CLMP: variants seen among roughly 807,000 people sequenced by gnomAD.
CLMP encodes the protein CXADR-like membrane protein.
A neutral mutation model predicts 45.2 loss-of-function variants in CLMP; 27 were observed. The ratio of observed to expected loss-of-function variants is 0.60; its 90% CI spans 0.44 to 0.82. CLMP has a LOEUF of 0.82. Among genes scored for constraint, CLMP ranks in the 40% least tolerant of loss-of-function variants. The pLI is 0.00. For missense variants in CLMP, 403 were observed against 448.4 expected (o/e 0.90, Z 0.91); for synonymous variants, 167 against 171.4 (o/e 0.97, Z 0.20).
chr11:123,116,822 A>C (rs1009271279), intron 1 of CLMP, among the ~76,000 whole-genome samples: 4 of 152,134 alleles, frequency 2.6e-5, no homozygotes, highest in African/African-American at 9.7e-5. Flanking sequence ...ATTCTTTTTC[A>C]TACATATTTT....
chr11:123,150,418 A>AGAAG (rs1565397273), intron 1 of CLMP, among the ~76,000 whole-genome samples: 74 of 20,854 alleles, frequency 3.5e-3, no homozygotes, highest in Non-Finnish European at 4.8e-3. Flanking sequence ...AAGGAAGGTA[A>AGAAG]GAAAGAAAGA....
intron 2 of CLMP, among the ~76,000 whole-genome samples, chr11:123,093,459 G>C (rs1865955990): frequency 6.6e-6 from 1 of 152,004 alleles, no homozygotes; most frequent in South Asian, 2.1e-4. Context: ...CAATTCTCCT[G>C]CCTCAGTCTC....
chr11:123,177,059 G>A (rs1861709166), intron 1 of CLMP, among the ~76,000 whole-genome samples: 1 of 152,150 alleles, frequency 6.6e-6, no homozygotes, highest in Non-Finnish European at 1.5e-5. Context: ...TAGCAGGTGC[G>A]GGTGATTGTT....
At chr11:123,147,647 A>G (rs1025690695) in intron 1 of CLMP, among the ~76,000 whole-genome samples, 1 of 152,070 alleles carries the variant, frequency 6.6e-6, no homozygotes, top group Non-Finnish European at 1.5e-5. Context: ...GTGTATTGTG[A>G]TGCCTCTCCC....
At chr11:123,189,210 G>A (rs1861873828) in intron 1 of CLMP, among the ~76,000 whole-genome samples, 1 of 152,160 alleles carries the variant, frequency 6.6e-6, no homozygotes, top group African/African-American at 2.4e-5. Flanking sequence ...TCCACTTTGG[G>A]GTTTAAAGAT....
intron 1 of CLMP, among the ~76,000 whole-genome samples, chr11:123,160,752 C>T (rs918468874): frequency 7.9e-5 from 12 of 151,910 alleles, no homozygotes; most frequent in Middle Eastern, 3.4e-3. Flanking sequence ...CTGAGGTGGG[C>T]GGATCACCTG....
intron 2 of CLMP, among the ~76,000 whole-genome samples, chr11:123,097,484 T>C (rs1015365920): frequency 6.6e-6 from 1 of 152,088 alleles, no homozygotes; most frequent in African/African-American, 2.4e-5. Flanking sequence ...TTTACAGGCA[T>C]AGGCCACCAC....
chr11:123,195,102 C>T lies in CLMP; in HGVS notation c.-162G>A. The T allele has an allele frequency of 2.2e-6, 1 of 446,432 alleles. No individual in the cohort carries two copies. The highest frequency in any genetic ancestry group is 3.5e-6 in the Non-Finnish European group (1 of 286,074). The allele number at this position is 446,432 out of a possible 1,614,324, so 27.7% of individuals were successfully genotyped here. On this transcript the variant is annotated 5_prime_UTR_variant, in exon 1 of 7. Transcript: ENST00000448775. ...GCGGGAGCCGGCCCCGCGCCCCGTG[C>T]CCCTGGGGGCAGATGGGCTCCCGGC...
chr11:123,090,093 GAA>G (rs57683487), intron 2 of CLMP, among the ~76,000 whole-genome samples: 1 of 139,008 alleles, frequency 7.2e-6, no homozygotes, highest in African/African-American at 2.6e-5. Flanking sequence ...CTGTCTCAAA[GAA>G]AAAAAAAAAA....
rs1302109135 is a variant in CLMP at position 123,195,085 on chromosome 11, C to T, written c.-145G>A. ...CTGCAGCCATGTGCCGGGCGGGAGC[C>T]GGCCCCGCGCCCCGTGCCCCTGGGG... On this transcript the variant is annotated 5_prime_UTR_variant, in exon 1 of 7. Transcript: ENST00000448775. 8 of 583,358 alleles carry T rather than the reference C, an allele frequency of 1.4e-5. No individual in the cohort carries two copies. The highest frequency in any genetic ancestry group is 9.1e-5 in the East Asian group (2 of 22,070). 36.1% of individuals were successfully genotyped at this position (583,358 alleles called of 1,614,324 possible). A position where few individuals can be genotyped will look rare whatever the true frequency, so the allele number is the denominator to read the frequency against.
At chr11:123,155,728 A>T (rs557907283) in intron 1 of CLMP, among the ~76,000 whole-genome samples, 1 of 152,196 alleles carries the variant, frequency 6.6e-6, no homozygotes, top group Admixed American at 6.5e-5. Flanking sequence ...ATGTCCTTGT[A>T]TAGTCCCTAT....
chr11:123,130,467 G>A (rs760986721), intron 1 of CLMP, among the ~76,000 whole-genome samples: 1 of 152,136 alleles, frequency 6.6e-6, no homozygotes, highest in Non-Finnish European at 1.5e-5. Flanking sequence ...TAAGAAAAAT[G>A]GTATGGTCTG....
intron 1 of CLMP, among the ~76,000 whole-genome samples, chr11:123,141,985 CTTTTT>C (rs10714246): frequency 1.7e-5 from 2 of 117,554 alleles, no homozygotes; most frequent in South Asian, 2.8e-4. Context: ...TCCCCCCAGC[CTTTTT>C]TTTTTTTTTT....
In CLMP at chr11:123,099,840, T is replaced by C. The variant is rs146878410; in HGVS notation, c.29-1888A>G. Reference sequence around the variant, plus strand: ...TGCCGCAGTGAGCACAGTGACATGATCTCTTGCTTAAGGAAGAGATAATTT... The same window carrying C: ...TGCCGCAGTGAGCACAGTGACATGACCTCTTGCTTAAGGAAGAGATAATTT... On this transcript the variant is annotated intron_variant, in intron 1 of 6. Coordinates refer to ENST00000448775, the MANE Select transcript of CLMP (RefSeq NM_024769.5). 3.9e-5 allele frequency among the ~76,000 whole-genome samples: 6 copies of C among 152,250 alleles called. No homozygotes were observed. In the East Asian group the frequency reaches 1.2e-3, roughly 29 times the overall value.
chr11:123,143,465 TA>T (rs1861193734), intron 1 of CLMP, among the ~76,000 whole-genome samples: 1 of 149,414 alleles, frequency 6.7e-6, no homozygotes, highest in East Asian at 1.9e-4. Context: ...AGACTGGAAT[TA>T]GAAGTACTGC....
intron 5 of CLMP, among the ~76,000 whole-genome samples, chr11:123,077,578 C>G (rs1333548248): frequency 6.6e-6 from 1 of 152,164 alleles, no homozygotes; most frequent in Non-Finnish European, 1.5e-5. Flanking sequence ...GATCCGCCCA[C>G]CTCCATCAAA....
chr11:123,097,888 G>T lies in CLMP; in HGVS notation c.93C>A (p.Val31=), dbSNP rs1333239251. ...CCAGTTGATGGTGGCAGGGCAAAGT[G>T]ACCTTTTCCTCTGCCACTCTCTTGA... ...TEIKRVAEEK[V]TLPCHHQLGL... is the part of the protein sequence containing the mutation. The change falls in exon 2 of 7, where the codon GTC becomes GTA. Residue 31 remains valine (V), a synonymous_variant. Coordinates refer to ENST00000448775, the MANE Select transcript of CLMP (RefSeq NM_024769.5). The T allele has an allele frequency of 6.2e-7, 1 of 1,610,140 alleles. No homozygotes were observed. The highest frequency in any genetic ancestry group is 2.2e-5 in the East Asian group (1 of 44,618).
intron 2 of CLMP, among the ~76,000 whole-genome samples, chr11:123,086,823 T>C (rs1865869920): frequency 6.6e-6 from 1 of 152,140 alleles, no homozygotes; most frequent in African/African-American, 2.4e-5. Flanking sequence ...GAGGCTATAG[T>C]GAGCCAAGAC....
Position 123,074,733 on chromosome 11 carries a change from A to G in CLMP, c.790T>C (p.Tyr264His). 6.2e-7 allele frequency: 1 copy of G among 1,614,128 alleles called. No individual in the cohort carries two copies. Among genetic ancestry groups the G allele is most frequent in the South Asian group, 1.1e-5 (1 of 91,080 alleles). Residue 264 changes from tyrosine (Y) to histidine (H), a missense_variant, in exon 6 of 7, where the codon TAT becomes CAT. Transcript: ENST00000448775. ...TCATTAGGTCTCTCTTCTTCCTCAT[A>G]TCTTTCTTTGTCTTTCCTTCGGATT... is the stretch of plus-strand genomic sequence containing the variant. ...LLIRRKDKER[Y>H]EEEERPNEIR...
Sources: gnomAD v4.1 joint callset for allele counts (sites outside exome capture counted in the v4.1 genomes callset) on GRCh38, gnomAD v4.1.1 for gene constraint, MANE v1.5 for transcripts, NCBI Gene and HGNC (gene_info 2026-07-23, HGNC 2026-07-21) for gene names.